The following IPO8 variants were observed in gnomAD, a reference collection of about 807,000 sequenced individuals.
IPO8 encodes importin-8.
In IPO8, 65 loss-of-function variants were observed where a neutral mutation model predicts 141.2. The ratio of observed to expected loss-of-function variants is 0.46; its 90% CI spans 0.38 to 0.57. The LOEUF (loss-of-function observed/expected upper bound fraction) is 0.57. IPO8 is among the 20% of genes least tolerant of loss of function. The pLI is 0.00. For synonymous variants in IPO8, 411 were observed against 420.3 expected (o/e 0.98, Z 0.27); for missense variants, 980 against 1,246.8 (o/e 0.79, Z 3.22).
At chr12:30,670,895 C>T (rs2053037288) in intron 9 of IPO8, 67 bp downstream of exon 9, 4 of 1,365,140 alleles carry the variant, frequency 2.9e-6, no homozygotes, top group Non-Finnish European at 4.0e-6. Context: ...ATTAGTAATA[C>T]TAACTTTGTC....
At chr12:30,663,097 A>T (rs956941290) in intron 14 of IPO8, among the ~76,000 whole-genome samples, 2 of 152,218 alleles carry the variant, frequency 1.3e-5, no homozygotes, top group African/African-American at 4.8e-5. Context: ...AACTAGGGGA[A>T]TCAGAATCCC....
At chr12:30,690,200 C>T (rs531112153) in intron 2 of IPO8, among the ~76,000 whole-genome samples, 7 of 151,978 alleles carry the variant, frequency 4.6e-5, no homozygotes, top group African/African-American at 1.2e-4. Context: ...AATCATAAAA[C>T]GTTAGAGAGA....
At chr12:30,637,596 C>T (rs2052520477) in intron 21 of IPO8, among the ~76,000 whole-genome samples, 1 of 152,272 alleles carries the variant, frequency 6.6e-6, no homozygotes, top group African/African-American at 2.4e-5. Context: ...TCTCAGCACA[C>T]ATAATCTACC....
chr12:30,679,449 T>C (rs2053162789), intron 5 of IPO8, among the ~76,000 whole-genome samples: 1 of 152,100 alleles, frequency 6.6e-6, no homozygotes, highest in African/African-American at 2.4e-5. Context: ...TTTCTGCCAA[T>C]AGAAAAAGGA....
chr12:30,692,333 C>CT (rs1172010879), intron 1 of IPO8, among the ~76,000 whole-genome samples: 1 of 152,178 alleles, frequency 6.6e-6, no homozygotes, highest in Non-Finnish European at 1.5e-5. Context: ...CTTTTTGCAA[C>CT]TGTTTGCCAT....
intron 20 of IPO8, among the ~76,000 whole-genome samples, chr12:30,646,260 A>G (rs1194781624): frequency 6.6e-6 from 1 of 152,192 alleles, no homozygotes; most frequent in Non-Finnish European, 1.5e-5. Flanking sequence ...AAACTACATG[A>G]TCATCTCAAT....
intron 1 of IPO8, chr12:30,694,923 G>C (rs1006234347): frequency 1.3e-5 from 6 of 452,192 alleles, no homozygotes; most frequent in African/African-American, 1.2e-4. Context: ...ACGGAGAAAA[G>C]AAAGAAGTCT....
intron 2 of IPO8, among the ~76,000 whole-genome samples, chr12:30,690,284 G>GA (rs2053279074): frequency 1.3e-5 from 2 of 151,534 alleles, no homozygotes; most frequent in South Asian, 2.1e-4. Context: ...GGGAGAGGAG[G>GA]AAAAAAAAGA....
At chr12:30,673,238 A>C (rs568742578) in intron 8 of IPO8, among the ~76,000 whole-genome samples, 2 of 152,254 alleles carry the variant, frequency 1.3e-5, no homozygotes, top group African/African-American at 4.8e-5. Context: ...CAGCCTGGGC[A>C]ACAGAGTGAG....
rs774445535 is a variant in IPO8 at position 30,649,122 on chromosome 12, C to G, written c.2268+15G>C. 1.3e-6 allele frequency: 2 copies of G among 1,565,432 alleles called. No homozygotes were observed. Among genetic ancestry groups the G allele is most frequent in the African/African-American group, 1.4e-5 (1 of 73,698 alleles). The stretch of plus-strand genomic sequence containing the variant: ...ATGTAACCCTCAAGTAAGGCACTTT[C>G]CAGACATATATTACCTGATCAATTC... On this transcript the variant is annotated intron_variant, in intron 20 of 24. Transcript: ENST00000256079.
At chr12:30,653,551 T>C (rs1467131622) in intron 17 of IPO8, among the ~76,000 whole-genome samples, 1 of 152,068 alleles carries the variant, frequency 6.6e-6, no homozygotes, top group African/African-American at 2.4e-5. Context: ...AACTATATAC[T>C]GGGCAGTATT....
intron 1 of IPO8, among the ~76,000 whole-genome samples, chr12:30,691,531 T>G (rs139045132): frequency 5.9e-5 from 9 of 152,358 alleles, no homozygotes; most frequent in African/African-American, 1.9e-4. Flanking sequence ...TATATCCAGA[T>G]GTACAGTACC....
intron 17 of IPO8, 52 bp downstream of exon 17, chr12:30,656,632 C>T (rs1004463168): frequency 8.9e-7 from 1 of 1,128,998 alleles, no homozygotes; most frequent in Non-Finnish European, 1.3e-6. Context: ...ACTTTGAGTT[C>T]AAATTTTTAA....
rs761264165 is a variant in IPO8 at position 30,634,198 on chromosome 12, TTCC to T, written c.2781_2783del (p.Glu928del). On this transcript the variant is annotated inframe_deletion, in exon 23 of 25. Coordinates refer to ENST00000256079, the MANE Select transcript of IPO8 (RefSeq NM_006390.4). ...ATACTTCTTCATCCCAGTCATCATC[TTCC>T]TCCTCCTCATCTTCACCTCTTCCAT... 1.5e-4 allele frequency: 242 copies of T among 1,613,862 alleles called. No homozygotes were observed. In the Middle Eastern group the frequency reaches 3.1e-3, roughly 21 times the overall value.
Position 30,631,954 on chromosome 12 carries a change from T to A in IPO8, c.2957A>T (p.Asp986Val). The A allele has an allele frequency of 6.2e-7, 1 of 1,613,172 alleles. No individual in the cohort carries two copies. The highest frequency in any genetic ancestry group is 8.5e-7 in the Non-Finnish European group (1 of 1,179,956). The change falls in exon 24 of 25, where the codon GAT (aspartate) becomes GTT (valine). Residue 986 changes from aspartate to valine, a missense_variant. Asp to Val is a radical substitution (Grantham distance 152). Around this residue, in one of 3 missense-constraint regions of IPO8, gnomAD observed 924 missense variants for 1,153.9 expected, o/e 0.80. Coordinates refer to ENST00000256079, the MANE Select transcript of IPO8 (RefSeq NM_006390.4). ...CACCTCCTGCAGTGCTGTCCTCTGA[T>A]CCTCGCTGAGTGGTGCCATCAGCAG... ...YQLLMAPLSE[D>V]QRTALQEVYT...
intron 5 of IPO8, among the ~76,000 whole-genome samples, chr12:30,678,842 T>C (rs1188527620): frequency 1.3e-5 from 2 of 152,162 alleles, no homozygotes; most frequent in Admixed American, 1.3e-4. Flanking sequence ...TGTTGTATCA[T>C]ACTTTTATTT....
Position 30,670,977 on chromosome 12 carries a change from C to T in IPO8, c.1029G>A (p.Met343Ile), listed in dbSNP as rs1437564247. 5 of 1,613,370 alleles carry T rather than the reference C, an allele frequency of 3.1e-6. No homozygotes were observed. The African/African-American group carries it at 4.0e-5, about 13-fold the overall frequency. Residue 343 changes from methionine (M) to isoleucine (I), a missense_variant, in exon 9 of 25, where the codon ATG becomes ATA. By Grantham distance (10) the Met-to-Ile change is conservative. Coordinates refer to ENST00000256079, the MANE Select transcript of IPO8 (RefSeq NM_006390.4). ...GVVHSITWKQ[M>I]KPHIQNISED... Reference sequence around the variant, plus strand: ...TGACACTAACCTGTATGTGTGGCTTCATCTGCTTCCAGGTTATAGAATGAA... The same window carrying T: ...TGACACTAACCTGTATGTGTGGCTTTATCTGCTTCCAGGTTATAGAATGAA...
chr12:30,688,720 T>C (rs745831940), intron 2 of IPO8: 1 of 167,594 alleles, frequency 6.0e-6, no homozygotes, highest in Non-Finnish European at 1.3e-5. Flanking sequence ...CATTAAGTTG[T>C]ACAGAGTTGG....
At position 30,684,425 on chromosome 12, in the gene IPO8, A is replaced by G. The variant is rs746068627; in HGVS notation, c.199T>C (p.Tyr67His). The change falls in exon 3 of 25, where the codon TAC (tyrosine) becomes CAC (histidine). Residue 67 changes from tyrosine to histidine, a missense_variant. Physicochemically the swap from Tyr to His is moderately conservative, Grantham distance 83. Transcript: ENST00000256079. ...AIYLKNMVTQYWPDREPPPGE... is the reference protein window; with the variant it reads ...AIYLKNMVTQHWPDREPPPGE... ...GGTGGAGGTTCTCGATCTGGCCAGT[A>G]TTGTGTCACCATGTTCTTCAGGTAA... is the stretch of plus-strand genomic sequence containing the variant. The G allele has an allele frequency of 1.2e-6, 2 of 1,614,096 alleles. No individual in the cohort carries two copies. Among genetic ancestry groups the G allele is most frequent in the Non-Finnish European group, 8.5e-7 (1 of 1,179,988 alleles).
Sources: allele counts gnomAD v4.1 joint callset (sites outside exome capture counted in the v4.1 genomes callset), GRCh38; gene constraint gnomAD v4.1.1; regional missense constraint gnomAD v4.1.1; transcripts MANE v1.5; gene names NCBI Gene and HGNC (gene_info 2026-07-23, HGNC 2026-07-21).